The following TTC39C variants were observed in gnomAD, a reference collection of about 807,000 sequenced individuals.
The protein encoded by TTC39C is tetratricopeptide repeat domain 39C, also known as tetratricopeptide repeat protein 39C.
In TTC39C, 33 loss-of-function variants were observed where a neutral mutation model predicts 76.3. That is an observed-to-expected ratio of 0.43 (90% confidence interval 0.33 to 0.58). The LOEUF (loss-of-function observed/expected upper bound fraction) is 0.58, where lower values mean the gene tolerates loss of function less well. Among genes scored for constraint, TTC39C ranks in the 20% least tolerant of loss-of-function variants. The probability of loss-of-function intolerance (pLI) is 0.04; values close to 1 mark genes in which losing one functional copy is unlikely to be tolerated. For synonymous variants in TTC39C, 254 were observed against 260.6 expected (o/e 0.97, Z 0.24); for missense variants, 595 against 701.4 (o/e 0.85, Z 1.71).
rs1049760814 is a variant in TTC39C, at chr18:24,071,682, C to G, written c.460+2411C>G. 2.0e-5 allele frequency among the ~76,000 whole-genome samples: 3 copies of G among 152,238 alleles called. No individual in the cohort carries two copies. The South Asian group carries it at 6.2e-4, about 32-fold the overall frequency. ...ATGGGTATGCCCTAATGTATTTAGT[C>G]AATTCCTCATGAACGTTTAGACTGG... On this transcript the variant is annotated intron_variant, in intron 4 of 13. Transcript: ENST00000317571.
At chr18:24,108,055 T>C (rs1002667807) in intron 6 of TTC39C, among the ~76,000 whole-genome samples, 5 of 152,262 alleles carry the variant, frequency 3.3e-5, no homozygotes, top group African/African-American at 4.8e-5. Context: ...CGAACTTAGT[T>C]ATCTAACAGA....
chr18:24,108,090 C>A (rs897203171), intron 6 of TTC39C, among the ~76,000 whole-genome samples: 2 of 152,234 alleles, frequency 1.3e-5, no homozygotes, highest in South Asian at 2.1e-4. Flanking sequence ...AAGGCAAATG[C>A]ACATCAAAGC....
At chr18:24,017,894 A>G (rs1442952986) in intron 1 of TTC39C, among the ~76,000 whole-genome samples, 1 of 152,182 alleles carries the variant, frequency 6.6e-6, no homozygotes, top group Non-Finnish European at 1.5e-5. Context: ...AATATTTTTT[A>G]TTAAAGCAAG....
intron 6 of TTC39C, chr18:24,114,039 G>A (rs375095399): frequency 3.3e-4 from 97 of 295,022 alleles, no homozygotes; most frequent in African/African-American, 2.1e-3. Flanking sequence ...CTAATGGAGC[G>A]GCTTCGTGCA....
chr18:23,997,718 G>GAAAGAAAGAAAGAAAGAAAGAA (rs2083280102), intron 1 of TTC39C, among the ~76,000 whole-genome samples: 1 of 150,446 alleles, frequency 6.6e-6, no homozygotes, highest in Admixed American at 6.6e-5. Flanking sequence ...AAGAAAGAAA[G>GAAAGAAAGAAAGAAAGAAAGAA]AAAGAAACCA....
intron 6 of TTC39C, among the ~76,000 whole-genome samples, chr18:24,107,889 G>GGT (rs369767891): frequency 9.6e-4 from 16 of 16,700 alleles, no homozygotes; most frequent in Admixed American, 7.7e-3. Context: ...CTCCCAAGTA[G>GGT]GGGGGGGGGT....
At chr18:24,030,621 ATTCTC>A (rs2145674558) in intron 1 of TTC39C, among the ~76,000 whole-genome samples, 1 of 138,694 alleles carries the variant, frequency 7.2e-6, no homozygotes, top group Admixed American at 7.3e-5. Flanking sequence ...CTTAATCCTA[ATTCTC>A]TCAACAGCCC....
intron 4 of TTC39C, among the ~76,000 whole-genome samples, chr18:24,073,726 C>T (rs2084269721): frequency 1.3e-5 from 2 of 152,130 alleles, no homozygotes; most frequent in African/African-American, 2.4e-5. Context: ...CACTATGCTG[C>T]CCAGGCAGGT....
chr18:24,111,752 C>A (rs1314268691), intron 6 of TTC39C, among the ~76,000 whole-genome samples: 6 of 151,410 alleles, frequency 4.0e-5, no homozygotes, highest in Non-Finnish European at 4.4e-5. Flanking sequence ...TAAAAAAAAA[C>A]TTAGCCAGAC....
intron 1 of TTC39C, among the ~76,000 whole-genome samples, chr18:24,029,411 G>A (rs1294889102): frequency 6.6e-6 from 1 of 152,166 alleles, no homozygotes. Flanking sequence ...AGATGTGTGT[G>A]TTTAATCCTC....
intron 1 of TTC39C, among the ~76,000 whole-genome samples, chr18:24,005,262 G>A (rs2083343053): frequency 6.6e-6 from 1 of 152,246 alleles, no homozygotes; most frequent in South Asian, 2.1e-4. Flanking sequence ...CCACCTTACA[G>A]AGTTACTTTG....
intron 1 of TTC39C, among the ~76,000 whole-genome samples, chr18:24,044,801 T>C (rs748483831): frequency 5.3e-4 from 80 of 152,242 alleles, no homozygotes; most frequent in Non-Finnish European, 9.7e-4. Flanking sequence ...TCTTCTAATA[T>C]TTGTTTTCGG....
At chr18:24,018,239 G>A (rs779531995) in intron 1 of TTC39C, among the ~76,000 whole-genome samples, 1 of 152,182 alleles carries the variant, frequency 6.6e-6, no homozygotes, top group Admixed American at 6.5e-5. Flanking sequence ...CAAAGGTTAG[G>A]ATAGATTTGT....
intron 2 of TTC39C, among the ~76,000 whole-genome samples, chr18:24,064,725 A>AT (rs1329084629): frequency 6.6e-6 from 1 of 152,170 alleles, no homozygotes; most frequent in Non-Finnish European, 1.5e-5. Flanking sequence ...CAAACACATA[A>AT]TTTTTTTAAA....
chr18:24,053,266 G>A (rs1281655561), intron 1 of TTC39C, among the ~76,000 whole-genome samples: 1 of 151,406 alleles, frequency 6.6e-6, no homozygotes, highest in East Asian at 1.9e-4. Context: ...TTGATGTAGA[G>A]TTTCCCATTT....
chr18:24,027,720 C>T (rs542209189), intron 1 of TTC39C, among the ~76,000 whole-genome samples: 8 of 152,104 alleles, frequency 5.3e-5, no homozygotes, highest in East Asian at 1.9e-4. Flanking sequence ...CCACCACACC[C>T]GGCTAATTTT....
At chr18:24,022,559 A>T (rs2083530098) in intron 1 of TTC39C, 1 of 985,146 alleles carries the variant, frequency 1.0e-6, no homozygotes, top group South Asian at 4.7e-5. Flanking sequence ...CAGTAAAAGG[A>T]TTCACATGTG....
At chr18:23,994,403 C>T (rs2083243730) in intron 1 of TTC39C, 1 of 151,692 alleles carries the variant, frequency 6.6e-6, no homozygotes, top group East Asian at 1.9e-4. Flanking sequence ...GTGTGGTTGG[C>T]AGATGTTTTA....
At chr18:24,084,049 C>A (rs1458170646) in intron 6 of TTC39C, among the ~76,000 whole-genome samples, 1 of 152,140 alleles carries the variant, frequency 6.6e-6, no homozygotes, top group African/African-American at 2.4e-5. Context: ...GGTGGGGATG[C>A]AGGCAGTGGA....
Sources: allele counts gnomAD v4.1 joint callset (sites outside exome capture counted in the v4.1 genomes callset), GRCh38; gene constraint gnomAD v4.1.1; transcripts MANE v1.5; gene names NCBI Gene and HGNC (gene_info 2026-07-23, HGNC 2026-07-21).